The following LRBA variants were observed in gnomAD, a reference collection of about 807,000 sequenced individuals.
LRBA encodes the protein LPS responsive beige-like anchor protein.
In LRBA, 176 loss-of-function variants were observed where a neutral mutation model predicts 330.0. The observed-to-expected ratio is 0.53, with a 90% confidence interval of 0.47 to 0.60. LRBA has a LOEUF of 0.60. LRBA is among the 20% of genes least tolerant of loss of function. The pLI, the probability that LRBA is intolerant of heterozygous loss-of-function variation, is 0.00. For missense variants in LRBA, 3,259 were observed against 3,444.8 expected (o/e 0.95, Z 1.35); for synonymous variants, 1,230 against 1,193.0 (o/e 1.03, Z -0.64).
chr4:150,461,662 C>T (rs1318999045), intron 44 of LRBA, among the ~76,000 whole-genome samples: 1 of 151,648 alleles, frequency 6.6e-6, no homozygotes, highest in Non-Finnish European at 1.5e-5. Context: ...TATTAGTTAA[C>T]AATAATAATA....
intron 40 of LRBA, among the ~76,000 whole-genome samples, chr4:150,495,629 C>G (rs1047091377): frequency 1.3e-5 from 2 of 152,056 alleles, no homozygotes; most frequent in African/African-American, 4.8e-5. Context: ...GCAGCTGAGG[C>G]CTAGCTAAGC....
intron 30 of LRBA, among the ~76,000 whole-genome samples, chr4:150,826,130 T>C (rs915569593): frequency 6.6e-6 from 1 of 152,162 alleles, no homozygotes; most frequent in Admixed American, 6.5e-5. Context: ...GAAGTCATTA[T>C]ATGTCAAATT....
intron 47 of LRBA, among the ~76,000 whole-genome samples, chr4:150,412,603 TA>T (rs1221109929): frequency 6.6e-6 from 1 of 152,124 alleles, no homozygotes; most frequent in Non-Finnish European, 1.5e-5. Flanking sequence ...AAACTTAATA[TA>T]TAACTTATTC....
chr4:151,010,754 C>T (rs912762945), intron 2 of LRBA, among the ~76,000 whole-genome samples: 1 of 151,866 alleles, frequency 6.6e-6, no homozygotes, highest in East Asian at 1.9e-4. Context: ...CATGGTGGTG[C>T]GTGCCTGTAG....
intron 37 of LRBA, among the ~76,000 whole-genome samples, chr4:150,635,292 T>G (rs928670811): frequency 1.3e-5 from 2 of 152,226 alleles, no homozygotes; most frequent in African/African-American, 4.8e-5. Flanking sequence ...ATCTCAACTC[T>G]TTACTCCAGA....
chr4:150,918,831 G>A (rs905524266), intron 5 of LRBA, among the ~76,000 whole-genome samples: 4 of 152,130 alleles, frequency 2.6e-5, no homozygotes, highest in South Asian at 2.1e-4. Flanking sequence ...CTGTGGGATC[G>A]TAAAATGTTA....
intron 40 of LRBA, among the ~76,000 whole-genome samples, chr4:150,496,377 A>C (rs1161084759): frequency 6.6e-6 from 1 of 151,964 alleles, no homozygotes; most frequent in Non-Finnish European, 1.5e-5. Flanking sequence ...AGAAACCAAC[A>C]CTCACTGCCC....
intron 37 of LRBA, among the ~76,000 whole-genome samples, chr4:150,658,516 CCT>C (rs1437279232): frequency 0.15 from 3 of 20 alleles, no homozygotes; most frequent in Non-Finnish European, 0.5. Context: ...TCTCCCTCTC[CCT>C]CTCCCTCTCC....
intron 34 of LRBA, among the ~76,000 whole-genome samples, chr4:150,769,622 G>T (rs1736280510): frequency 6.6e-6 from 1 of 152,188 alleles, no homozygotes; most frequent in Admixed American, 6.5e-5. Context: ...ATTGGATAAT[G>T]CCCAACACTA....
chr4:150,835,022 T>C (rs1482175680), intron 28 of LRBA, among the ~76,000 whole-genome samples: 2 of 152,222 alleles, frequency 1.3e-5, no homozygotes, highest in African/African-American at 4.8e-5. Context: ...TTTCTACATA[T>C]GGCTAGCTAG....
Position 150,603,535 on chromosome 4 carries a change from G to A in LRBA, c.5922-4404C>T, listed in dbSNP as rs561142473. ...GGTAGAGTGTCACCCAGGCTGGAATGCAGTGGCAACATGAGGGAACAGAAC... is the reference window on the plus strand; with the variant it reads ...GGTAGAGTGTCACCCAGGCTGGAATACAGTGGCAACATGAGGGAACAGAAC... On this transcript the variant is annotated intron_variant, in intron 37 of 56. Transcript: ENST00000651943. Among the ~76,000 whole-genome samples, 7 of 152,238 alleles carry A rather than the reference G, an allele frequency of 4.6e-5. No homozygotes were observed. The South Asian group carries it at 1.5e-3, about 32-fold the overall frequency.
At chr4:150,304,023 A>G (rs1345193275) in intron 52 of LRBA, among the ~76,000 whole-genome samples, 2 of 152,224 alleles carry the variant, frequency 1.3e-5, no homozygotes, top group African/African-American at 4.8e-5. Context: ...TACAGAGTCT[A>G]CAGATGAATG....
chr4:150,355,879 T>A (rs1216016863), intron 47 of LRBA, among the ~76,000 whole-genome samples: 1 of 152,122 alleles, frequency 6.6e-6, no homozygotes, highest in Non-Finnish European at 1.5e-5. Context: ...TACAAAGTTA[T>A]AAACTTGGAA....
chr4:150,590,467 C>T (rs929503458), intron 39 of LRBA, among the ~76,000 whole-genome samples: 5 of 151,298 alleles, frequency 3.3e-5, no homozygotes, highest in African/African-American at 4.9e-5. Context: ...TTTGTTGCTG[C>T]TTTTAAACTT....
intron 55 of LRBA, among the ~76,000 whole-genome samples, chr4:150,278,740 A>ATTG (rs1480212597): frequency 6.6e-6 from 1 of 152,128 alleles, no homozygotes; most frequent in Admixed American, 6.5e-5. Context: ...GTTTCATATA[A>ATTG]TTGTTTAACA....
intron 36 of LRBA, among the ~76,000 whole-genome samples, chr4:150,710,853 A>C (rs1786117158): frequency 6.6e-6 from 1 of 151,794 alleles, no homozygotes; most frequent in Non-Finnish European, 1.5e-5. Context: ...TTAGAACTAC[A>C]CTTTACGTCT....
intron 40 of LRBA, among the ~76,000 whole-genome samples, chr4:150,576,075 G>C (rs907511165): frequency 7.3e-5 from 11 of 149,752 alleles, no homozygotes; most frequent in Non-Finnish European, 1.5e-4. Context: ...TTCATGTGAA[G>C]ATAATAGTGA....
intron 50 of LRBA, among the ~76,000 whole-genome samples, chr4:150,320,376 G>T (rs762173109): frequency 6.6e-5 from 10 of 151,880 alleles, no homozygotes; most frequent in Non-Finnish European, 1.2e-4. Context: ...AGAACAGAAG[G>T]TACTTACAGA....
intron 40 of LRBA, among the ~76,000 whole-genome samples, chr4:150,585,811 A>C (rs2126420279): frequency 6.6e-6 from 1 of 152,314 alleles, no homozygotes; most frequent in Middle Eastern, 3.4e-3. Flanking sequence ...CAGAGGAAGA[A>C]GTTTGAGAGG....
Sources: gnomAD v4.1 joint callset for allele counts (sites outside exome capture counted in the v4.1 genomes callset) on GRCh38, gnomAD v4.1.1 for gene constraint, MANE v1.5 for transcripts, NCBI Gene and HGNC (gene_info 2026-07-23, HGNC 2026-07-21) for gene names.